Variants in MAP4K3 observed in about 807,000 individuals in gnomAD.
The protein encoded by MAP4K3 is mitogen-activated protein kinase kinase kinase kinase 3.
Under a neutral mutation model 143.5 loss-of-function variants are expected in MAP4K3, and 94 were observed. The ratio of observed to expected loss-of-function variants is 0.65; its 90% CI spans 0.55 to 0.78. The LOEUF (loss-of-function observed/expected upper bound fraction) is 0.78, where lower values mean the gene tolerates loss of function less well. MAP4K3 is among the 30% of genes least tolerant of loss of function. The pLI is 0.00. For synonymous variants in MAP4K3, 416 were observed against 347.2 expected (o/e 1.20, Z -2.20); for missense variants, 1,077 against 1,068.1 (o/e 1.01, Z -0.12).
At chr2:39,360,697 G>A (rs1191033042) in intron 2 of MAP4K3, among the ~76,000 whole-genome samples, 1 of 152,150 alleles carries the variant, frequency 6.6e-6, no homozygotes, top group Non-Finnish European at 1.5e-5. Flanking sequence ...ATGGCAGAGG[G>A]GGAAGCAAAC....
intron 33 of MAP4K3, among the ~76,000 whole-genome samples, chr2:39,251,383 T>C (rs1573052956): frequency 6.6e-6 from 1 of 152,354 alleles, no homozygotes; most frequent in African/African-American, 2.4e-5. Flanking sequence ...AGAATTCAGC[T>C]GCCTTCAGCC....
Position 39,351,077 on chromosome 2 carries a change from G to A in MAP4K3, c.245+5172C>T, listed in dbSNP as rs79786636. Among the ~76,000 whole-genome samples, 134 of 152,328 alleles carry A rather than the reference G, an allele frequency of 8.8e-4. 1 individual carries two copies. The highest frequency in any genetic ancestry group is 3.1e-3 in the African/African-American group (130 of 41,580). On this transcript the variant is annotated intron_variant, in intron 3 of 33. Transcript: ENST00000263881. ...TAGAGATAATTTTAAACTGGAGGAT[G>A]TGCATAGCTATGCCACTTTATATAA... is the stretch of plus-strand genomic sequence containing the variant.
chr2:39,268,694 C>T (rs1314073680), intron 26 of MAP4K3, among the ~76,000 whole-genome samples: 3 of 121,202 alleles, frequency 2.5e-5, no homozygotes, highest in Non-Finnish European at 4.8e-5. Context: ...GGCTGGAGTG[C>T]AGTGGCTTGA....
intron 1 of MAP4K3, among the ~76,000 whole-genome samples, chr2:39,425,119 C>G (rs995834731): frequency 1.3e-5 from 2 of 152,000 alleles, no homozygotes; most frequent in Admixed American, 6.6e-5. Flanking sequence ...CACCACCCCC[C>G]CAGCCCCTCC....
At position 39,288,025 on chromosome 2, in the gene MAP4K3, C is replaced by G. The variant is rs910325329; in HGVS notation, c.1474+96G>C. ...GCCACTGCTTTCCTTCTGTCCTCCA[C>G]CAAAAGAATTTCAAATAATCTCTTA... On this transcript the variant is annotated intron_variant, in intron 20 of 33. Transcript: ENST00000263881. The G allele has an allele frequency of 9.6e-6, 14 of 1,458,788 alleles. No individual in the cohort carries two copies. The Middle Eastern group carries it at 5.4e-4, about 56-fold the overall frequency. 90.4% of individuals were successfully genotyped at this position (1,458,788 alleles called of 1,614,324 possible).
intron 1 of MAP4K3, among the ~76,000 whole-genome samples, chr2:39,416,002 T>TATATATATAA (rs1553318623): frequency 2.2e-5 from 2 of 91,146 alleles, no homozygotes; most frequent in African/African-American, 4.7e-5. Context: ...TATATATATA[T>TATATATATAA]ATAAAAATAA....
At chr2:39,352,773 T>C (rs993421469) in intron 3 of MAP4K3, among the ~76,000 whole-genome samples, 10 of 152,190 alleles carry the variant, frequency 6.6e-5, no homozygotes, top group Admixed American at 3.9e-4. Context: ...AACTTAATTA[T>C]ATGCTAGTCA....
chr2:39,337,656 T>TTTA, intron 4 of MAP4K3, 75 bp from the exon 5 acceptor site: 1 of 984,954 alleles, frequency 1.0e-6, no homozygotes. Flanking sequence ...GTTTTACAAG[T>TTTA]TTAAGCAACA....
At chr2:39,272,998 T>G (rs914547730) in intron 24 of MAP4K3, among the ~76,000 whole-genome samples, 2 of 151,080 alleles carry the variant, frequency 1.3e-5, no homozygotes, top group Non-Finnish European at 2.9e-5. Flanking sequence ...ACAGAAACAC[T>G]AGGTATGGAG....
At chr2:39,384,511 G>A (rs558764460) in intron 1 of MAP4K3, among the ~76,000 whole-genome samples, 97 of 152,294 alleles carry the variant, frequency 6.4e-4, no homozygotes, top group Non-Finnish European at 7.2e-4. Flanking sequence ...GCGCCACTGC[G>A]CTCCAGCCTG....
chr2:39,358,035 A>C (rs1171250542), intron 2 of MAP4K3, among the ~76,000 whole-genome samples: 1 of 152,176 alleles, frequency 6.6e-6, no homozygotes, highest in African/African-American at 2.4e-5. Flanking sequence ...AACATGTGGA[A>C]AGCATTGAGG....
intron 1 of MAP4K3, among the ~76,000 whole-genome samples, chr2:39,390,869 A>G (rs1666632569): frequency 6.6e-6 from 1 of 152,180 alleles, no homozygotes; most frequent in Non-Finnish European, 1.5e-5. Flanking sequence ...CAATCGCCCT[A>G]TAAACACGAT....
chr2:39,333,551 A>G lies in MAP4K3; in HGVS notation c.438T>C (p.Asp146=). 6.2e-7 allele frequency: 1 copy of G among 1,606,850 alleles called. No homozygotes were observed. Among genetic ancestry groups the G allele is most frequent in the Non-Finnish European group, 8.5e-7 (1 of 1,174,146 alleles). Residue 146 remains aspartate (D), a synonymous_variant, in exon 7 of 34, where the codon GAT becomes GAC. Coordinates refer to ENST00000263881, the MANE Select transcript of MAP4K3 (RefSeq NM_003618.4). The part of the protein sequence containing the change: ...DIKGANILLT[D]NGHVKLADFG... ...ACTTACCCAATTTCACATGACCATT[A>G]TCCGTTAATAGAATGTTAGCTCCCT...
At chr2:39,259,323 C>CA (rs1553400024) in intron 29 of MAP4K3, among the ~76,000 whole-genome samples, 1 of 152,038 alleles carries the variant, frequency 6.6e-6, no homozygotes, top group Non-Finnish European at 1.5e-5. Context: ...TGAACAGCTC[C>CA]GGGGGTGGGG....
intron 2 of MAP4K3, among the ~76,000 whole-genome samples, chr2:39,364,954 T>C (rs1665879241): frequency 6.6e-6 from 1 of 151,960 alleles, no homozygotes; most frequent in South Asian, 2.1e-4. Context: ...TTCAGAGCTT[T>C]TGTCAGACCT....
At chr2:39,390,296 A>G (rs1488327864) in intron 1 of MAP4K3, among the ~76,000 whole-genome samples, 1 of 152,234 alleles carries the variant, frequency 6.6e-6, no homozygotes, top group African/African-American at 2.4e-5. Context: ...TAGCACCTAC[A>G]CTGAGAAATA....
chr2:39,295,215 C>G (rs1250016409), intron 16 of MAP4K3, among the ~76,000 whole-genome samples: 1 of 151,968 alleles, frequency 6.6e-6, no homozygotes, highest in African/African-American at 2.4e-5. Flanking sequence ...CTCTGAGTCT[C>G]AGGAGAGAAA....
At position 39,278,309 on chromosome 2, in the gene MAP4K3, G is replaced by C. The variant is rs1573086486; in HGVS notation, c.1794+98C>G. The stretch of plus-strand genomic sequence containing the variant: ...CAAAACAAAACAAAAAAGAATAAAA[G>C]AGGCAGCAAGTCATGAAACTGAACC... On this transcript the variant is annotated intron_variant, in intron 24 of 33. Transcript: ENST00000263881. 4.7e-6 allele frequency: 3 copies of C among 640,330 alleles called. No individual in the cohort carries two copies. In the East Asian group the frequency reaches 9.0e-5, roughly 19 times the overall value. The allele number at this position is 640,330 out of a possible 1,614,324, so 39.7% of individuals were successfully genotyped here.
intron 2 of MAP4K3, among the ~76,000 whole-genome samples, chr2:39,359,697 C>G (rs1385827193): frequency 6.6e-6 from 1 of 152,242 alleles, no homozygotes. Flanking sequence ...GTTCTCAAAC[C>G]TCAGTTCTTG....
Sources: gnomAD v4.1 joint callset for allele counts (sites outside exome capture counted in the v4.1 genomes callset) on GRCh38, gnomAD v4.1.1 for gene constraint, MANE v1.5 for transcripts, NCBI Gene and HGNC (gene_info 2026-07-23, HGNC 2026-07-21) for gene names.